HSCB: variants seen among roughly 807,000 people sequenced by gnomAD.
HSCB encodes iron-sulfur cluster co-chaperone protein HscB.
Under a neutral mutation model 31.3 loss-of-function variants are expected in HSCB, and 23 were observed. That is an observed-to-expected ratio of 0.74 (90% CI 0.53 to 1.04). The LOEUF is 1.04. HSCB is among the 50% of genes least tolerant of loss of function. HSCB has a pLI of 0.00. For missense variants in HSCB, 297 were observed against 288.1 expected (o/e 1.03, Z -0.22); for synonymous variants, 110 against 104.5 (o/e 1.05, Z -0.32).
At chr22:28,744,051 T>A in intron 2 of HSCB, 73 bp downstream of exon 2, 2 of 1,157,544 alleles carry the variant, frequency 1.7e-6, no homozygotes, top group South Asian at 2.4e-5. Flanking sequence ...TGTGGTTATG[T>A]GATTATCAGG....
rs182384577 is a variant in HSCB at position 28,752,172 on chromosome 22, G to A, written c.616+884G>A. Among the ~76,000 whole-genome samples, 583 of 151,830 alleles carry A rather than the reference G, an allele frequency of 3.8e-3. 4 individuals are homozygous for A. The highest frequency in any genetic ancestry group is 0.013 in the African/African-American group (530 of 41,426). On this transcript the variant is annotated intron_variant, in intron 5 of 5. Coordinates refer to ENST00000216027, the MANE Select transcript of HSCB (RefSeq NM_172002.5). The stretch of plus-strand genomic sequence containing the variant: ...AATTGAAGGAATTTGGGCTGGGCGC[G>A]GTGGCTCACACTTGTAATCCCAACA...
In HSCB at chr22:28,743,901, G is replaced by C. The variant is rs1569182882; in HGVS notation, c.256G>C (p.Asp86His). ...TTCCAGCAACCGTTCCTTCAGAGTT[G>C]ATACAGCGAAGCTCCAGCACAGGTA... ...LMDCNRSFRV[D>H]TAKLQHRYQQ... Residue 86 changes from aspartate to histidine, a missense_variant, in exon 2 of 6, where the codon GAT becomes CAT. Asp to His is a moderately conservative substitution (Grantham distance 81). Transcript: ENST00000216027. 6.2e-7 allele frequency: 1 copy of C among 1,614,088 alleles called. No homozygotes were observed. Among genetic ancestry groups the C allele is most frequent in the South Asian group, 1.1e-5 (1 of 91,084 alleles).
In HSCB at chr22:28,742,216, T is replaced by G; in HGVS notation, c.121T>G (p.Cys41Gly). ...ASQAGSNYPR[C>G]WNCGGPWGPG... The stretch of plus-strand genomic sequence containing the variant: ...GCAGGCGGGAAGCAATTATCCCCGC[T>G]GTTGGAACTGCGGCGGCCCATGGGG... The change falls in exon 1 of 6, where the codon TGT becomes GGT. Residue 41 changes from cysteine (C) to glycine (G), a missense_variant. Physicochemically the swap from Cys to Gly is radical, Grantham distance 159 (BLOSUM62 -3). Transcript: ENST00000216027. The G allele has an allele frequency of 6.2e-7, 1 of 1,613,964 alleles. No individual in the cohort carries two copies. The highest frequency in any genetic ancestry group is 8.5e-7 in the Non-Finnish European group (1 of 1,179,984).
At position 28,742,072 on chromosome 22, in the gene HSCB, A is replaced by G; in HGVS notation, c.-24A>G. ...TCTTTGCTTTTCCCCACGAGTGACC[A>G]CGGCTAGATAGGCCGCCGGCCAGAT... On this transcript the variant is annotated 5_prime_UTR_variant, in exon 1 of 6. Transcript: ENST00000216027. 1 of 1,592,986 alleles carries G rather than the reference A, an allele frequency of 6.3e-7. No individual in the cohort carries two copies. The highest frequency in any genetic ancestry group is 8.5e-7 in the Non-Finnish European group (1 of 1,170,988).
chr22:28,744,113 CT>C (rs2054643033), intron 2 of HSCB, 135 bp downstream of exon 2: 3 of 730,516 alleles, frequency 4.1e-6, no homozygotes, highest in Admixed American at 2.1e-5. Context: ...TGACCCCAGC[CT>C]GTCAGACCCA....
At chr22:28,754,174 T>G (rs892718665) in intron 5 of HSCB, among the ~76,000 whole-genome samples, 1 of 152,072 alleles carries the variant, frequency 6.6e-6, no homozygotes, top group Admixed American at 6.6e-5. Context: ...GGCTCCAACA[T>G]GGATGAACCT....
At chr22:28,744,749 C>A in intron 3 of HSCB, 45 bp downstream of exon 3, 1 of 1,432,528 alleles carries the variant, frequency 7.0e-7, no homozygotes, top group Non-Finnish European at 9.9e-7. Context: ...TCCTGATGCC[C>A]ATTATGGCGT....
At chr22:28,756,109 T>G (rs1446329435) in intron 5 of HSCB, among the ~76,000 whole-genome samples, 2 of 152,126 alleles carry the variant, frequency 1.3e-5, no homozygotes, top group Admixed American at 1.3e-4. Flanking sequence ...TGGCCAGGCA[T>G]GGTGGCGCAC....
At position 28,743,802 on chromosome 22, in the gene HSCB, A is replaced by G. The variant is rs140590508; in HGVS notation, c.237-80A>G. 1.4e-5 allele frequency: 17 copies of G among 1,219,208 alleles called. No individual in the cohort carries two copies. The South Asian group carries it at 1.8e-4, about 13-fold the overall frequency. The allele number at this position is 1,219,208 out of a possible 1,614,324, so 75.5% of individuals were successfully genotyped here. ...GCTTATATGTTATTGCATCTTCCCC[A>G]TAAGAGCAAGAACCAGGCTCATGGT... On this transcript the variant is annotated intron_variant, in intron 1 of 5. Coordinates refer to ENST00000216027, the MANE Select transcript of HSCB (RefSeq NM_172002.5).
Position 28,745,981 on chromosome 22 carries a change from ATGAAAGAGAT to A in HSCB, c.546_555del (p.Lys182AsnfsTer15), listed in dbSNP as rs1569184229. 3 of 1,612,784 alleles carry A rather than the reference ATGAAAGAGAT, an allele frequency of 1.9e-6. No homozygotes were observed. The East Asian group carries it at 6.7e-5, about 36-fold the overall frequency. ...CGCAGAAGCTGAAAGTGAAGCTGCC[ATGAAAGAGAT>A]TGAATCCATTGTCAAAGGTGAAAGA... On this transcript the variant is annotated frameshift_variant, in exon 4 of 6. Coordinates refer to ENST00000216027, the MANE Select transcript of HSCB (RefSeq NM_172002.5). LOFTEE classifies it high-confidence loss of function.
intron 4 of HSCB, among the ~76,000 whole-genome samples, chr22:28,747,506 T>C (rs1349376297): frequency 2.0e-5 from 3 of 152,120 alleles, no homozygotes; most frequent in Non-Finnish European, 4.4e-5. Flanking sequence ...TTCACCATGT[T>C]GCCCAGGCTG....
chr22:28,757,451 C>T lies in HSCB; in HGVS notation c.*282C>T, dbSNP rs1437917111. The T allele has an allele frequency of 6.5e-5, 16 of 247,174 alleles. No individual in the cohort carries two copies. Among genetic ancestry groups the T allele is most frequent in the South Asian group, 5.6e-5 (1 of 18,006 alleles). 15.3% of individuals were successfully genotyped at this position (247,174 alleles called of 1,614,324 possible). On this transcript the variant is annotated 3_prime_UTR_variant, in exon 6 of 6. Transcript: ENST00000216027. ...AGTGAGCAGAGATCACGCAACTGCA[C>T]TCCAGCTTGGGCAACAGAGTGAGAC...
chr22:28,746,069 T>G, intron 4 of HSCB, 61 bp downstream of exon 4: 1 of 1,517,672 alleles, frequency 6.6e-7, no homozygotes. Context: ...GTCCAAGGAT[T>G]AGTGAAAAAT....
In HSCB at chr22:28,745,957, G is replaced by A. The variant is rs373464252; in HGVS notation, c.517G>A (p.Ala173Thr). ...AATAATGGAAATCAATGAAAAACTCGCAGAAGCTGAAAGTGAAGCTGCCAT... is the reference window on the plus strand; with the variant it reads ...AATAATGGAAATCAATGAAAAACTCACAGAAGCTGAAAGTGAAGCTGCCAT... ...IEIMEINEKL[A>T]EAESEAAMKE... Residue 173 changes from alanine (A) to threonine (T), a missense_variant, in exon 4 of 6, where the codon GCA becomes ACA. Coordinates refer to ENST00000216027, the MANE Select transcript of HSCB (RefSeq NM_172002.5). 1.1e-5 allele frequency: 18 copies of A among 1,613,706 alleles called. No homozygotes were observed. The highest frequency in any genetic ancestry group is 1.0e-4 in the Admixed American group (6 of 59,962).
At chr22:28,744,508 C>T (rs979294378) in intron 2 of HSCB, 107 bp from the exon 3 acceptor site, 36 of 739,558 alleles carry the variant, frequency 4.9e-5, no homozygotes, top group South Asian at 1.8e-4. Flanking sequence ...GCTGAGTTCG[C>T]GCCACTGCAC....
chr22:28,751,660 C>T (rs1490461243), intron 5 of HSCB, among the ~76,000 whole-genome samples: 1 of 150,984 alleles, frequency 6.6e-6, no homozygotes, highest in African/African-American at 2.4e-5. Context: ...GCAGGAGAAT[C>T]GCTTGAACCA....
At chr22:28,742,388 C>T in intron 1 of HSCB, 57 bp downstream of exon 1, 4 of 1,590,500 alleles carry the variant, frequency 2.5e-6, no homozygotes, top group Non-Finnish European at 2.6e-6. Flanking sequence ...GAGGTCTGGC[C>T]TGCGAGAGGG....
rs140420473 is a variant in HSCB, at chr22:28,748,812, C to T, written c.569-2429C>T. ...GATTACAGGTGTGAGCCACCAAGCC[C>T]GGCCAAAACCCAAATCTAATCACTA... On this transcript the variant is annotated intron_variant, in intron 4 of 5. Coordinates refer to ENST00000216027, the MANE Select transcript of HSCB (RefSeq NM_172002.5). Among the ~76,000 whole-genome samples, 828 of 152,126 alleles carry T rather than the reference C, an allele frequency of 5.4e-3. 4 individuals are homozygous for T. Among genetic ancestry groups the T allele is most frequent in the Non-Finnish European group, 8.0e-3 (542 of 68,000 alleles).
intron 5 of HSCB, among the ~76,000 whole-genome samples, chr22:28,752,983 G>A (rs912762345): frequency 6.6e-6 from 1 of 151,854 alleles, no homozygotes; most frequent in Admixed American, 6.6e-5. Context: ...GAAGGCTGAG[G>A]CAGGAGAATG....
Sources: gnomAD v4.1 joint callset for allele counts (sites outside exome capture counted in the v4.1 genomes callset) on GRCh38, gnomAD v4.1.1 for gene constraint, MANE v1.5 for transcripts, NCBI Gene and HGNC (gene_info 2026-07-23, HGNC 2026-07-21) for gene names.